Variants in BLTP3A observed in about 807,000 individuals in gnomAD.
The protein encoded by BLTP3A is bridge-like lipid transfer protein family member 3A.
the BLTP3A span, chr6:34,834,193 G>A: frequency 1.2e-6 from 2 of 1,609,002 alleles, no homozygotes; most frequent in African/African-American, 2.7e-5. Flanking sequence ...AATTCTGATT[G>A]TTGGTCTACC....
chr6:34,808,305 C>T, the BLTP3A span, among the ~76,000 whole-genome samples: 4 of 130,918 alleles, frequency 3.1e-5, no homozygotes, highest in Admixed American at 8.5e-5. Context: ...GAGATCGCTC[C>T]GTTGCACTCC....
At chr6:34,807,462 A>G in the BLTP3A span, among the ~76,000 whole-genome samples, 2 of 152,224 alleles carry the variant, frequency 1.3e-5, no homozygotes, top group Non-Finnish European at 2.9e-5. Context: ...CAAACAGATT[A>G]TTAGGGCTTC....
At chr6:34,817,890 G>C in the BLTP3A span, among the ~76,000 whole-genome samples, 1 of 148,206 alleles carries the variant, frequency 6.7e-6, no homozygotes, top group East Asian at 2.0e-4. Context: ...GTCTCGCTCT[G>C]TCGCCCAGGC....
At chr6:34,794,320 A>G in the BLTP3A span, among the ~76,000 whole-genome samples, 1 of 149,050 alleles carries the variant, frequency 6.7e-6, no homozygotes. Context: ...TATATACACT[A>G]CTGTGTACCC....
the BLTP3A span, among the ~76,000 whole-genome samples, chr6:34,825,241 T>C: frequency 1.3e-5 from 2 of 152,216 alleles, no homozygotes; most frequent in Non-Finnish European, 2.9e-5. Flanking sequence ...TTTGTTTGCT[T>C]TTGTTTTCTT....
the BLTP3A span, chr6:34,873,718 G>A: frequency 1.3e-5 from 2 of 152,180 alleles, no homozygotes; most frequent in East Asian, 1.9e-4. Flanking sequence ...GTAACTTAGT[G>A]ATGTTACTAA....
At chr6:34,867,127 GT>G in the BLTP3A span, 3 of 1,293,562 alleles carry the variant, frequency 2.3e-6, no homozygotes, top group Non-Finnish European at 3.1e-6. Context: ...AATGTCATAA[GT>G]ATTTTGTTTT....
chr6:34,867,636 C>T, the BLTP3A span: 3 of 1,606,182 alleles, frequency 1.9e-6, no homozygotes, highest in East Asian at 2.2e-5. Context: ...GTAGTCATTC[C>T]ACGACAGATC....
At chr6:34,793,557 C>CAGCCCACAG in the BLTP3A span, among the ~76,000 whole-genome samples, 1 of 152,156 alleles carries the variant, frequency 6.6e-6, no homozygotes, top group Non-Finnish European at 1.5e-5. Context: ...AGTAATTAGA[C>CAGCCCACAG]CCAGATCCAT....
the BLTP3A span, chr6:34,856,692 A>C: frequency 6.8e-7 from 1 of 1,470,036 alleles, no homozygotes; most frequent in Non-Finnish European, 9.2e-7. Context: ...TCTTTCCTAC[A>C]TATAACATTA....
the BLTP3A span, among the ~76,000 whole-genome samples, chr6:34,870,114 CTTTA>C: frequency 6.6e-6 from 1 of 152,094 alleles, no homozygotes; most frequent in African/African-American, 2.4e-5. Flanking sequence ...CTATTTACTT[CTTTA>C]TTCTATTCTG....
At chr6:34,839,591 G>T in the BLTP3A span, among the ~76,000 whole-genome samples, 1 of 152,228 alleles carries the variant, frequency 6.6e-6, no homozygotes. Context: ...CCCATGCTGA[G>T]GTCGAGGGGA....
chr6:34,806,229 TA>T, the BLTP3A span, among the ~76,000 whole-genome samples: 6 of 152,228 alleles, frequency 3.9e-5, no homozygotes, highest in Non-Finnish European at 2.9e-5. Context: ...ATGTTTGACG[TA>T]GACTAAATGT....
chr6:34,823,085 A>G, the BLTP3A span, among the ~76,000 whole-genome samples: 1 of 152,172 alleles, frequency 6.6e-6, no homozygotes, highest in Admixed American at 6.5e-5. Context: ...CTCTCCTTGC[A>G]TTTTAGTTTG....
the BLTP3A span, among the ~76,000 whole-genome samples, chr6:34,819,866 T>C: frequency 6.6e-6 from 1 of 152,218 alleles, no homozygotes; most frequent in Non-Finnish European, 1.5e-5. Context: ...ATTTGACCGA[T>C]AGAGTTTCCT....
the BLTP3A span, among the ~76,000 whole-genome samples, chr6:34,799,754 G>T: frequency 6.6e-6 from 1 of 152,128 alleles, no homozygotes; most frequent in African/African-American, 2.4e-5. Context: ...TGTAAAATGG[G>T]CATAATAACG....
chr6:34,830,059 TGCCTCA>T, the BLTP3A span, among the ~76,000 whole-genome samples: 7 of 151,900 alleles, frequency 4.6e-5, no homozygotes, highest in Non-Finnish European at 5.9e-5. Context: ...GTGATTTGCC[TGCCTCA>T]GCCTCCCAAA....
At chr6:34,871,063 C>G in the BLTP3A span, 1 of 1,613,672 alleles carries the variant, frequency 6.2e-7, no homozygotes, top group Non-Finnish European at 8.5e-7. Flanking sequence ...TGAGGAGATC[C>G]CGGTGGTAGT....
the BLTP3A span, among the ~76,000 whole-genome samples, chr6:34,798,949 T>A: frequency 6.6e-6 from 1 of 152,094 alleles, no homozygotes; most frequent in Admixed American, 6.5e-5. Context: ...TTTTATTTGT[T>A]TGTTTTTTTG....
Sources: gnomAD v4.1 joint callset for allele counts (sites outside exome capture counted in the v4.1 genomes callset) on GRCh38, gnomAD v4.1.1 for gene constraint, MANE v1.5 for transcripts, NCBI Gene and HGNC (gene_info 2026-07-23, HGNC 2026-07-21) for gene names.